NANOGNB: variants seen among roughly 807,000 people sequenced by gnomAD.
The protein encoded by NANOGNB is NANOG neighbor homeobox, also known as homeobox C14.
NANOGNB carries 30 observed loss-of-function variants against 25.0 expected under a neutral mutation model. That is an observed-to-expected ratio of 1.20 (90% CI 0.90 to 1.63). NANOGNB has a LOEUF of 1.63. Among genes scored for constraint, NANOGNB ranks in the 40% most tolerant of loss-of-function variants. The probability of loss-of-function intolerance (pLI) is 0.00; values close to 1 mark genes in which losing one functional copy is unlikely to be tolerated. For missense variants in NANOGNB, 200 were observed against 188.1 expected (o/e 1.06, Z -0.37); for synonymous variants, 84 against 62.1 (o/e 1.35, Z -1.66).
intron 1 of NANOGNB, among the ~76,000 whole-genome samples, chr12:7,769,488 A>G (rs1046971037): frequency 5.3e-5 from 8 of 152,016 alleles, no homozygotes; most frequent in African/African-American, 1.9e-4. Context: ...ACACCCAGCT[A>G]ATTTTTGTAT....
chr12:7,773,842 C>A lies in NANOGNB; in HGVS notation c.558C>A (p.Ala186=). ...LCCQGWSRTP[A]LK ...GCCAAGGCTGGTCTCGAACTCCTGCCCTCAAGTGATCTTCCTATTTTGGCC... is the reference window on the plus strand; with the variant it reads ...GCCAAGGCTGGTCTCGAACTCCTGCACTCAAGTGATCTTCCTATTTTGGCC... The change falls in exon 4 of 4, where the codon GCC becomes GCA. Residue 186 remains alanine, a synonymous_variant. Transcript: ENST00000382119. The A allele has an allele frequency of 1.6e-6, 1 of 643,238 alleles. No individual in the cohort carries two copies. The highest frequency in any genetic ancestry group is 2.7e-6 in the Non-Finnish European group (1 of 364,112). The allele number at this position is 643,238 out of a possible 1,614,324, so 39.8% of individuals were successfully genotyped here.
intron 3 of NANOGNB, among the ~76,000 whole-genome samples, chr12:7,773,544 T>TAGAA (rs1358984559): frequency 1.6e-4 from 1 of 6,262 alleles, no homozygotes; most frequent in Non-Finnish European, 3.9e-4. Context: ...CTACTAAAAA[T>TAGAA]ACAAAAAAAA....
chr12:7,765,402 C>T lies in NANOGNB; in HGVS notation c.102+15C>T, dbSNP rs939223737. 1 of 400,946 alleles carries T rather than the reference C, an allele frequency of 2.5e-6. No individual in the cohort carries two copies. The highest frequency in any genetic ancestry group is 3.7e-5 in the Admixed American group (1 of 26,892). 24.8% of individuals were successfully genotyped at this position (400,946 alleles called of 1,614,324 possible). On this transcript the variant is annotated intron_variant, in intron 1 of 3. Transcript: ENST00000382119. ...TGGCTAACAAGGTAAAACCCCGTTT[C>T]TACTAAAAATACAAAAAATTAGCTG...
intron 3 of NANOGNB, among the ~76,000 whole-genome samples, chr12:7,772,209 C>G (rs1258488682): frequency 6.6e-6 from 1 of 152,210 alleles, no homozygotes; most frequent in Non-Finnish European, 1.5e-5. Context: ...GCTATGCGTA[C>G]CCCTCTGGCA....
chr12:7,766,131 G>T (rs1428120021), intron 1 of NANOGNB: 1 of 398,490 alleles, frequency 2.5e-6, no homozygotes, highest in Non-Finnish European at 4.4e-6. Flanking sequence ...TTTCAATGTG[G>T]AGAGAGATCC....
intron 1 of NANOGNB, chr12:7,766,259 T>G: frequency 2.5e-6 from 1 of 397,810 alleles, no homozygotes; most frequent in Non-Finnish European, 4.4e-6. Flanking sequence ...TCGCTTGAGC[T>G]CAGGAGTTGA....
At position 7,765,230 on chromosome 12, in the gene NANOGNB, G is replaced by A. The variant is rs994566100; in HGVS notation, c.-56G>A. On this transcript the variant is annotated 5_prime_UTR_variant, in exon 1 of 4. Transcript: ENST00000382119. ...AGATGGATGACATCTACCTTATCTG[G>A]TCGGTCATCTCTGTAACCTCCCTAC... 5.4e-6 allele frequency: 7 copies of A among 1,285,786 alleles called. No homozygotes were observed. The Admixed American group carries it at 1.2e-4, about 21-fold the overall frequency. The allele number at this position is 1,285,786 out of a possible 1,614,324, so 79.6% of individuals were successfully genotyped here. A position where few individuals can be genotyped will look rare whatever the true frequency, so the allele number is the denominator to read the frequency against.
At chr12:7,773,507 C>A (rs1293869062) in intron 3 of NANOGNB, among the ~76,000 whole-genome samples, 3 of 132,336 alleles carry the variant, frequency 2.3e-5, no homozygotes, top group Non-Finnish European at 4.6e-5. Flanking sequence ...TTGGGACCAG[C>A]CTGACTAACA....
rs932585824 is a variant in NANOGNB, at chr12:7,770,494, G to A, written c.491G>A (p.Arg164Lys). 5.3e-6 allele frequency: 8 copies of A among 1,509,110 alleles called. No homozygotes were observed. Among genetic ancestry groups the A allele is most frequent in the Non-Finnish European group, 7.2e-6 (8 of 1,112,374 alleles). The allele number at this position is 1,509,110 out of a possible 1,614,324, so 93.5% of individuals were successfully genotyped here. A position where few individuals can be genotyped will look rare whatever the true frequency, so the allele number is the denominator to read the frequency against. The change falls in exon 3 of 4, where the codon AGA becomes AAA. Residue 164 changes from arginine (R) to lysine (K), a missense_variant. By Grantham distance (26) the Arg-to-Lys change is conservative. Coordinates refer to ENST00000382119, the MANE Select transcript of NANOGNB (RefSeq NM_001145465.1). Reference sequence around the variant, plus strand: ...AAATATAATAAAGAAATGTCCAAGAGAAAGCATAAGAAAAAACATATGAGG... The same window carrying A: ...AAATATAATAAAGAAATGTCCAAGAAAAAGCATAAGAAAAAACATATGAGG... ...RKKYNKEMSK[R>K]KHKKKHMRWR...
chr12:7,765,229 G>A lies in NANOGNB; in HGVS notation c.-57G>A. 1 of 1,285,084 alleles carries A rather than the reference G, an allele frequency of 7.8e-7. No individual in the cohort carries two copies. The highest frequency in any genetic ancestry group is 1.2e-5 in the South Asian group (1 of 80,788). 79.6% of individuals were successfully genotyped at this position (1,285,084 alleles called of 1,614,324 possible). A position where few individuals can be genotyped will look rare whatever the true frequency, so the allele number is the denominator to read the frequency against. ...AAGATGGATGACATCTACCTTATCT[G>A]GTCGGTCATCTCTGTAACCTCCCTA... is the stretch of plus-strand genomic sequence containing the variant. On this transcript the variant is annotated 5_prime_UTR_variant, in exon 1 of 4. Coordinates refer to ENST00000382119, the MANE Select transcript of NANOGNB (RefSeq NM_001145465.1).
intron 1 of NANOGNB, among the ~76,000 whole-genome samples, chr12:7,768,072 T>C (rs1442124782): frequency 6.6e-6 from 1 of 152,166 alleles, no homozygotes; most frequent in Admixed American, 6.6e-5. Context: ...TTTTATTTCC[T>C]TTTGTGGCTA....
At position 7,770,159 on chromosome 12, in the gene NANOGNB, GA is replaced by G. The variant is rs1865279267; in HGVS notation, c.283del (p.Arg95GlyfsTer14). On this transcript the variant is annotated frameshift_variant, in exon 2 of 4. Transcript: ENST00000382119. LOFTEE classifies it high-confidence loss of function. ...TGCAAGATGAACAGGAAAACAAAAG[GA>G]AAAGGGAAAATGAGAAACAGAAACA... ...ELQDEQENKR[K>X]RENEKQKQYP... 6.4e-7 allele frequency: 1 copy of G among 1,550,684 alleles called. No homozygotes were observed. Among genetic ancestry groups the G allele is most frequent in the African/African-American group, 1.4e-5 (1 of 73,118 alleles).
intron 3 of NANOGNB, among the ~76,000 whole-genome samples, chr12:7,772,346 C>G (rs1034620687): frequency 4.0e-5 from 6 of 150,938 alleles, no homozygotes; most frequent in Non-Finnish European, 8.9e-5. Context: ...GGCACAATCT[C>G]GGCTCACTGC....
intron 3 of NANOGNB, among the ~76,000 whole-genome samples, chr12:7,770,906 C>A (rs996705315): frequency 6.6e-6 from 1 of 152,150 alleles, no homozygotes; most frequent in Non-Finnish European, 1.5e-5. Flanking sequence ...ACCACCACAC[C>A]CGGTGCCCAT....
intron 3 of NANOGNB, among the ~76,000 whole-genome samples, chr12:7,772,297 C>T (rs576794181): frequency 3.2e-4 from 49 of 151,190 alleles, no homozygotes; most frequent in East Asian, 5.9e-4. Context: ...CTTTTTTTTT[C>T]GAGACAGTCT....
intron 3 of NANOGNB, among the ~76,000 whole-genome samples, chr12:7,770,832 G>A (rs1273073836): frequency 5.9e-5 from 9 of 152,078 alleles, no homozygotes; most frequent in Non-Finnish European, 4.4e-5. Context: ...GGCTGATCTC[G>A]AACTCCCAAC....
At chr12:7,766,601 T>TCA (rs1307278048) in intron 1 of NANOGNB, among the ~76,000 whole-genome samples, 1 of 152,232 alleles carries the variant, frequency 6.6e-6, no homozygotes, top group Non-Finnish European at 1.5e-5. Flanking sequence ...GTTTCTTGAG[T>TCA]CACAGTCTTG....
intron 1 of NANOGNB, among the ~76,000 whole-genome samples, chr12:7,769,613 ACCTC>A: frequency 6.7e-6 from 1 of 148,814 alleles, no homozygotes. Context: ...GTGAGCCACC[ACCTC>A]CCGGGTTAAA....
chr12:7,766,286 G>C, intron 1 of NANOGNB: 1 of 394,712 alleles, frequency 2.5e-6, no homozygotes, highest in Non-Finnish European at 4.5e-6. Flanking sequence ...TCCTGGCCAA[G>C]ATGATGAAAC....
Sources: gnomAD v4.1 joint callset for allele counts (sites outside exome capture counted in the v4.1 genomes callset) on GRCh38, gnomAD v4.1.1 for gene constraint, MANE v1.5 for transcripts, NCBI Gene and HGNC (gene_info 2026-07-23, HGNC 2026-07-21) for gene names.